Variants in TOX observed in about 807,000 individuals in gnomAD.
TOX encodes thymocyte selection-associated high mobility group box protein TOX.
In TOX, 11 loss-of-function variants were observed where a neutral mutation model predicts 53.7. The observed-to-expected ratio is 0.20, with a 90% confidence interval of 0.13 to 0.34. The LOEUF (loss-of-function observed/expected upper bound fraction) is 0.34. TOX is among the 10% of genes least tolerant of loss of function. The probability of loss-of-function intolerance (pLI) is 1.00; values close to 1 mark genes in which losing one functional copy is unlikely to be tolerated. For synonymous variants in TOX, 225 were observed against 245.3 expected (o/e 0.92, Z 0.77); for missense variants, 570 against 664.6 (o/e 0.86, Z 1.56).
chr8:58,823,092 T>C (rs368637268), intron 6 of TOX, among the ~76,000 whole-genome samples: 5 of 152,244 alleles, frequency 3.3e-5, no homozygotes, highest in East Asian at 1.9e-4. Flanking sequence ...AGGATTTCCA[T>C]TGGAAGTTAC....
intron 1 of TOX, among the ~76,000 whole-genome samples, chr8:59,047,431 G>C (rs417476): frequency 0.073 from 11,079 of 151,124 alleles, 1,267 homozygotes; most frequent in East Asian, 0.5. Context: ...GTTTCACCTT[G>C]TTAGCCAGGA....
chr8:58,905,121 C>T (rs544265037), intron 3 of TOX, among the ~76,000 whole-genome samples: 4 of 152,124 alleles, frequency 2.6e-5, no homozygotes, highest in Non-Finnish European at 1.5e-5. Context: ...TTAGTAGAGA[C>T]GGGGTTTTAC....
rs1804443683 is a variant in TOX at position 59,083,269 on chromosome 8, T to C, written c.102+35617A>G. Among the ~76,000 whole-genome samples the C allele has an allele frequency of 1.2e-4, 19 of 152,226 alleles. 1 individual carries two copies. The highest frequency in any genetic ancestry group is 1.2e-3 in the Admixed American group (19 of 15,282). On this transcript the variant is annotated intron_variant, in intron 1 of 8. Transcript: ENST00000361421. ...TTGGAACCTACTTTTTATTATAATA[T>C]TTATTTAAGCAAAATTTCAAATCAC...
At chr8:58,856,215 G>A (rs757596771) in intron 3 of TOX, among the ~76,000 whole-genome samples, 1 of 151,944 alleles carries the variant, frequency 6.6e-6, no homozygotes, top group Non-Finnish European at 1.5e-5. Context: ...TATCTATAAG[G>A]CTCCAAGAAC....
intron 1 of TOX, among the ~76,000 whole-genome samples, chr8:59,099,899 C>T (rs1226610246): frequency 2.0e-5 from 3 of 152,098 alleles, no homozygotes; most frequent in East Asian, 3.9e-4. Flanking sequence ...TAAGAACTGG[C>T]TATTTTAAAA....
At chr8:58,994,714 T>C (rs937194639) in intron 1 of TOX, among the ~76,000 whole-genome samples, 1 of 152,188 alleles carries the variant, frequency 6.6e-6, no homozygotes, top group Admixed American at 6.5e-5. Flanking sequence ...GCCTGAAACT[T>C]GGTTGTTTCA....
intron 3 of TOX, among the ~76,000 whole-genome samples, chr8:58,854,042 A>G (rs1028682077): frequency 2.0e-5 from 3 of 152,184 alleles, no homozygotes; most frequent in Admixed American, 6.6e-5. Context: ...AGTGGACACT[A>G]TCCTACAGGG....
At chr8:59,030,487 C>T (rs74882487) in intron 1 of TOX, among the ~76,000 whole-genome samples, 2,892 of 152,200 alleles carry the variant, frequency 0.019, 71 homozygotes, top group South Asian at 0.089. Context: ...TGAAGCTCTA[C>T]GAAATGGAAA....
chr8:59,009,613 T>G (rs2129418637), intron 1 of TOX, among the ~76,000 whole-genome samples: 1 of 152,246 alleles, frequency 6.6e-6, no homozygotes, highest in Admixed American at 6.5e-5. Context: ...CCTCAAGTGA[T>G]AAGCTCACCA....
intron 1 of TOX, among the ~76,000 whole-genome samples, chr8:58,971,492 A>C (rs182926908): frequency 6.6e-6 from 1 of 152,346 alleles, no homozygotes; most frequent in Non-Finnish European, 1.5e-5. Flanking sequence ...TGAGACATGC[A>C]AGAGCATTTG....
chr8:58,907,318 T>C (rs1183054690), intron 3 of TOX, among the ~76,000 whole-genome samples: 3 of 152,222 alleles, frequency 2.0e-5, no homozygotes, highest in African/African-American at 7.2e-5. Context: ...TTATGGATTA[T>C]AATGCTTATT....
chr8:59,018,561 A>G (rs1814058499), intron 1 of TOX, among the ~76,000 whole-genome samples: 1 of 152,138 alleles, frequency 6.6e-6, no homozygotes, highest in Non-Finnish European at 1.5e-5. Context: ...AAGATTTCCC[A>G]GGGGTTCCGA....
At chr8:58,930,597 G>A (rs540953729) in intron 3 of TOX, among the ~76,000 whole-genome samples, 19 of 152,112 alleles carry the variant, frequency 1.2e-4, no homozygotes, top group African/African-American at 3.6e-4. Context: ...CAGAACATTC[G>A]CTGGACCTGA....
intron 3 of TOX, among the ~76,000 whole-genome samples, chr8:58,922,756 C>T (rs113687859): frequency 2.0e-5 from 3 of 152,296 alleles, no homozygotes; most frequent in African/African-American, 7.2e-5. Flanking sequence ...AACAATGCTC[C>T]AAGTGGCTGA....
chr8:59,046,258 T>TA (rs1475011963), intron 1 of TOX, among the ~76,000 whole-genome samples: 17 of 152,232 alleles, frequency 1.1e-4, no homozygotes, highest in African/African-American at 4.1e-4. Flanking sequence ...ATACATACAA[T>TA]AAAAAAGTTT....
chr8:59,060,012 A>G (rs1803952527), intron 1 of TOX, among the ~76,000 whole-genome samples: 1 of 152,156 alleles, frequency 6.6e-6, no homozygotes, highest in South Asian at 2.1e-4. Flanking sequence ...TTGATCAACC[A>G]TAGTTCTTTT....
At chr8:58,878,768 G>A (rs1811329668) in intron 3 of TOX, among the ~76,000 whole-genome samples, 1 of 152,010 alleles carries the variant, frequency 6.6e-6, no homozygotes. Flanking sequence ...CGTAAGAATT[G>A]TGTTTGAGTA....
intron 3 of TOX, among the ~76,000 whole-genome samples, chr8:58,854,875 T>A (rs1265651508): frequency 6.6e-6 from 1 of 152,132 alleles, no homozygotes; most frequent in Non-Finnish European, 1.5e-5. Flanking sequence ...GCCTAATGTA[T>A]AATATGGGGA....
intron 1 of TOX, among the ~76,000 whole-genome samples, chr8:59,052,761 G>T (rs1337278738): frequency 6.6e-6 from 1 of 152,112 alleles, no homozygotes; most frequent in Non-Finnish European, 1.5e-5. Context: ...GGATTGGCAA[G>T]ACATTCCTTA....
Sources: allele counts gnomAD v4.1 joint callset (sites outside exome capture counted in the v4.1 genomes callset), GRCh38; gene constraint gnomAD v4.1.1; transcripts MANE v1.5; gene names NCBI Gene and HGNC (gene_info 2026-07-23, HGNC 2026-07-21).